SACS: variants seen among roughly 807,000 people sequenced by gnomAD.
The protein encoded by SACS is sacsin molecular chaperone, also known as sacsin.
In SACS, 197 loss-of-function variants were observed where a neutral mutation model predicts 348.0. The ratio of observed to expected loss-of-function variants is 0.57; its 90% CI spans 0.50 to 0.64. The LOEUF (loss-of-function observed/expected upper bound fraction) is 0.64. Ranked by LOEUF, SACS falls within the 30% of genes least tolerant of loss-of-function variation. The probability of loss-of-function intolerance (pLI) is 0.00; values close to 1 mark genes in which losing one functional copy is unlikely to be tolerated. For synonymous variants in SACS, 1,985 were observed against 1,910.6 expected, an observed-to-expected ratio of 1.04 and a Z score of -1.02; for missense variants, 4,999 against 5,360.8, an observed-to-expected ratio of 0.93 and a Z score of 2.11.
intron 1 of SACS, among the ~76,000 whole-genome samples, chr13:23,415,908 G>A (rs1031715558): frequency 3.9e-5 from 6 of 152,154 alleles, no homozygotes; most frequent in Non-Finnish European, 8.8e-5. Flanking sequence ...AAATTTATGA[G>A]AAAATGTATA....
chr13:23,408,801 T>A (rs552275741), intron 2 of SACS, among the ~76,000 whole-genome samples: 3 of 151,612 alleles, frequency 2.0e-5, no homozygotes, highest in Non-Finnish European at 4.4e-5. Context: ...CCATCTCTAC[T>A]AAAAATACAA....
At chr13:23,410,747 T>C (rs1169272075) in intron 2 of SACS, among the ~76,000 whole-genome samples, 1 of 152,190 alleles carries the variant, frequency 6.6e-6, no homozygotes, top group Non-Finnish European at 1.5e-5. Flanking sequence ...AGATAGCAAC[T>C]AAATTTGAGA....
At chr13:23,370,867 GCACGAGAATCACTTGAACAGAGGCTGAGA>G (rs1251457182) in intron 4 of SACS, among the ~76,000 whole-genome samples, 182 bp downstream of exon 4, 1 of 152,100 alleles carries the variant, frequency 6.6e-6, no homozygotes, top group Admixed American at 6.6e-5. Context: ...GGAGGCTGAG[GCACGAGAATCACTTGAACAGAGGCTGAGA>G]CACGAGAATC....
intron 4 of SACS, 108 bp downstream of exon 4, chr13:23,370,970 C>T (rs1593157762): frequency 2.2e-5 from 13 of 600,800 alleles, no homozygotes; most frequent in Middle Eastern, 2.7e-4. Flanking sequence ...CCAGCCTGGG[C>T]GATAGGGCGA....
In SACS at chr13:23,330,024, C is replaced by G. The variant is rs1045292870; in HGVS notation, c.*112G>C. On this transcript the variant is annotated 3_prime_UTR_variant, in exon 10 of 10. Transcript: ENST00000382292. ...AACTCCAGAATTCTCCAAGAACAAT[C>G]TGCAATGTGCTTAACAATTCCTAGC... is the stretch of plus-strand genomic sequence containing the variant. 1 of 953,996 alleles carries G rather than the reference C, an allele frequency of 1.0e-6. No individual in the cohort carries two copies. The allele number at this position is 953,996 out of a possible 1,614,324, so 59.1% of individuals were successfully genotyped here.
In SACS at chr13:23,365,203, T is replaced by C; in HGVS notation, c.420A>G (p.Thr140=). The change falls in exon 6 of 10, where the codon ACA becomes ACG. Residue 140 remains threonine (T), a synonymous_variant. Coordinates refer to ENST00000382292, the MANE Select transcript of SACS (RefSeq NM_014363.6). ...CCATATCTTTTGACCAAAGAGTCTC[T>C]GTTCCGTATTGAGTTTCATCATATA... is the stretch of plus-strand genomic sequence containing the variant. ...KFLYDETQYG[T]ETLWSKDMAP... 1.9e-6 allele frequency: 3 copies of C among 1,613,074 alleles called. No individual in the cohort carries two copies. Among genetic ancestry groups the C allele is most frequent in the Non-Finnish European group, 2.5e-6 (3 of 1,179,628 alleles).
chr13:23,386,373 T>C (rs913658355), intron 2 of SACS, among the ~76,000 whole-genome samples: 8 of 152,266 alleles, frequency 5.3e-5, no homozygotes, highest in Non-Finnish European at 1.0e-4. Flanking sequence ...ACTTTTATGT[T>C]ATAAAGATGG....
intron 2 of SACS, among the ~76,000 whole-genome samples, chr13:23,387,581 C>T (rs945171387): frequency 3.9e-5 from 6 of 152,260 alleles, no homozygotes; most frequent in African/African-American, 1.2e-4. Context: ...AAGCTGGTCC[C>T]CTGGTCACCC....
rs2137561009 is a variant in SACS at position 23,331,745 on chromosome 13, C to T, written c.12131G>A (p.Gly4044Glu). 2 of 1,613,954 alleles carry T rather than the reference C, an allele frequency of 1.2e-6. No individual in the cohort carries two copies. The highest frequency in any genetic ancestry group is 4.5e-5 in the East Asian group (2 of 44,866). The change falls in exon 10 of 10, where the codon GGA becomes GAA. Residue 4044 changes from glycine (G) to glutamate (E), a missense_variant. Around this residue, in one of 6 missense-constraint regions of SACS, gnomAD observed 831 missense variants for 941.8 expected, o/e 0.88. Transcript: ENST00000382292. ...CTTTTCAAAGCAGGATACTTTCAAT[C>T]CTTCTCTTAGGGCTTTGCAAAGTCT... ...AIRLCKALREGLKVSCFEKLQ... is the reference protein window; with the variant it reads ...AIRLCKALREELKVSCFEKLQ...
intron 2 of SACS, chr13:23,375,536 AG>A: frequency 9.3e-7 from 1 of 1,071,718 alleles, no homozygotes; most frequent in Non-Finnish European, 1.1e-6. Context: ...GCGGCGGCCG[AG>A]GAGCAGGCGG....
chr13:23,365,817 G>A (rs965730464), intron 5 of SACS, among the ~76,000 whole-genome samples: 2 of 152,150 alleles, frequency 1.3e-5, no homozygotes, highest in Non-Finnish European at 2.9e-5. Flanking sequence ...GCACTAAACT[G>A]AAAGCTTCCA....
Position 23,354,514 on chromosome 13 carries a change from C to G in SACS, c.2093+5G>C. The G allele has an allele frequency of 1.2e-6, 2 of 1,613,480 alleles. No individual in the cohort carries two copies. The highest frequency in any genetic ancestry group is 2.2e-5 in the South Asian group (2 of 91,048). ...GAACAGGAATGTTAGAAGGGGGACC[C>G]CTACCTTGGATATTCTGCTGAGGTA... On this transcript the variant is annotated splice_donor_5th_base_variant and intron_variant, in intron 8 of 9. Transcript: ENST00000382292.
Position 23,355,877 on chromosome 13 carries a change from G to T in SACS, c.735C>A (p.Asp245Glu). 1 of 1,614,160 alleles carries T rather than the reference G, an allele frequency of 6.2e-7. No individual in the cohort carries two copies. Among genetic ancestry groups the T allele is most frequent in the East Asian group, 2.2e-5 (1 of 44,882 alleles). ...AAATGCCAACAAATGGTGCAAACTG[G>T]TCTGAAAGTTCACTAATTTCTTTGC... Reference protein sequence around the residue: ...DDSKEISELSDQFAPFVGIFG... With the variant: ...DDSKEISELSEQFAPFVGIFG... The change falls in exon 8 of 10, where the codon GAC becomes GAA. Residue 245 changes from aspartate to glutamate, a missense_variant. Transcript: ENST00000382292.
intron 1 of SACS, among the ~76,000 whole-genome samples, chr13:23,414,080 G>A (rs1235614902): frequency 6.6e-6 from 1 of 152,176 alleles, no homozygotes; most frequent in Non-Finnish European, 1.5e-5. Context: ...CGAGGCAGGA[G>A]GATCACGAGG....
At chr13:23,349,303 G>A (rs1869807590) in intron 9 of SACS, among the ~76,000 whole-genome samples, 1 of 152,158 alleles carries the variant, frequency 6.6e-6, no homozygotes, top group Non-Finnish European at 1.5e-5. Context: ...GAAAATTTAA[G>A]GATTCATTCT....
chr13:23,359,759 C>T (rs924770206), intron 6 of SACS, among the ~76,000 whole-genome samples: 4 of 152,010 alleles, frequency 2.6e-5, no homozygotes, highest in Admixed American at 2.0e-4. Flanking sequence ...GATCTTGAGG[C>T]TGCAGCTTGA....
chr13:23,413,332 C>T (rs1440568244), intron 1 of SACS, among the ~76,000 whole-genome samples: 2 of 152,174 alleles, frequency 1.3e-5, no homozygotes, highest in Middle Eastern at 3.2e-3. Context: ...GCACTTTCTG[C>T]CCATTCATTG....
intron 9 of SACS, among the ~76,000 whole-genome samples, chr13:23,348,438 C>A (rs1218566023): frequency 1.3e-5 from 2 of 152,234 alleles, no homozygotes; most frequent in East Asian, 3.8e-4. Flanking sequence ...AGCCCAGCAG[C>A]TGAAGCATCA....
chr13:23,431,692 T>C (rs1040804215), intron 1 of SACS, among the ~76,000 whole-genome samples: 20 of 152,324 alleles, frequency 1.3e-4, no homozygotes, highest in Admixed American at 3.3e-4. Flanking sequence ...AGAATCGGCC[T>C]TCCTTCTTCC....
Sources: allele counts gnomAD v4.1 joint callset (sites outside exome capture counted in the v4.1 genomes callset), GRCh38; gene constraint gnomAD v4.1.1; regional missense constraint gnomAD v4.1.1; transcripts MANE v1.5; gene names NCBI Gene and HGNC (gene_info 2026-07-23, HGNC 2026-07-21).